Variants in ZNF506 observed in about 807,000 individuals in gnomAD.
ZNF506 encodes zinc finger protein 506.
ZNF506 carries 10 observed loss-of-function variants against 11.6 expected under a neutral mutation model. The observed-to-expected ratio is 0.86, with a 90% CI of 0.53 to 1.46. ZNF506 has a LOEUF of 1.46. Ranked by LOEUF, ZNF506 falls within the 40% of genes most tolerant of loss-of-function variation. ZNF506 has a pLI of 0.00. For missense variants in ZNF506, 425 were observed against 521.2 expected, an observed-to-expected ratio of 0.82 and a Z score of 1.80; for synonymous variants, 156 against 173.3, an observed-to-expected ratio of 0.90 and a Z score of 0.78.
At chr19:19,795,917 G>GA in intron 3 of ZNF506, 2 of 423,958 alleles carry the variant, frequency 4.7e-6, no homozygotes, top group Admixed American at 3.1e-5. Flanking sequence ...TAGAAAAATA[G>GA]AAAAAAAGAA....
Position 19,795,146 on chromosome 19 carries a change from A to G in ZNF506, c.741T>C (p.His247=). Reference sequence around the variant, plus strand: ...GTTTCTCTCCAGTATGAATTATCTTATGTGTAGTAAGGTTACAGGACTGCT... The same window carrying G: ...GTTTCTCTCCAGTATGAATTATCTTGTGTGTAGTAAGGTTACAGGACTGCT... ...AYKQSCNLTT[H]KIIHTGEKPY... The change falls in exon 4 of 4, where the codon CAT becomes CAC. Residue 247 remains histidine, a synonymous_variant. Transcript: ENST00000540806. 2.5e-6 allele frequency: 4 copies of G among 1,613,690 alleles called. No homozygotes were observed. The highest frequency in any genetic ancestry group is 3.4e-6 in the Non-Finnish European group (4 of 1,179,892).
At chr19:19,807,863 A>G (rs900482257) in intron 1 of ZNF506, among the ~76,000 whole-genome samples, 1 of 152,074 alleles carries the variant, frequency 6.6e-6, no homozygotes, top group African/African-American at 2.4e-5. Context: ...TGGCCCCAAA[A>G]GGATATTTTT....
chr19:19,808,161 T>C (rs2062851353), intron 1 of ZNF506, among the ~76,000 whole-genome samples: 1 of 115,544 alleles, frequency 8.7e-6, no homozygotes, highest in East Asian at 2.9e-4. Flanking sequence ...TCTCGCTAGG[T>C]CGCCCAGGCC....
chr19:19,817,298 T>C (rs185665041), intron 1 of ZNF506, among the ~76,000 whole-genome samples: 4 of 152,302 alleles, frequency 2.6e-5, no homozygotes, highest in South Asian at 2.1e-4. Flanking sequence ...CCCACCTCCT[T>C]TCTAATCTTG....
intron 1 of ZNF506, among the ~76,000 whole-genome samples, chr19:19,810,411 A>G (rs1386664165): frequency 2.6e-5 from 4 of 152,238 alleles, no homozygotes; most frequent in African/African-American, 9.6e-5. Flanking sequence ...TTAAGCAGGT[A>G]CTATGTGCTC....
rs1339270301 is a variant in ZNF506, at chr19:19,821,635, G to A, written c.-32C>T. 3.1e-6 allele frequency: 5 copies of A among 1,613,768 alleles called. No homozygotes were observed. Among genetic ancestry groups the A allele is most frequent in the African/African-American group, 1.3e-5 (1 of 74,940 alleles). ...GCTTCCAGGGGGTCCCGGCGTCCTAGCTGTGACCCTCCTAATACCTGCAGG... is the reference window on the plus strand; with the variant it reads ...GCTTCCAGGGGGTCCCGGCGTCCTAACTGTGACCCTCCTAATACCTGCAGG... On this transcript the variant is annotated 5_prime_UTR_variant, in exon 1 of 4. Coordinates refer to ENST00000540806, the MANE Select transcript of ZNF506 (RefSeq NM_001099269.3).
intron 3 of ZNF506, among the ~76,000 whole-genome samples, chr19:19,802,541 T>C (rs1340646444): frequency 6.6e-6 from 1 of 152,286 alleles, no homozygotes; most frequent in South Asian, 2.1e-4. Flanking sequence ...AAAACAAGTA[T>C]TAGGAAATAA....
chr19:19,816,544 G>A (rs942883442), intron 1 of ZNF506, among the ~76,000 whole-genome samples: 1 of 152,086 alleles, frequency 6.6e-6, no homozygotes, highest in Non-Finnish European at 1.5e-5. Flanking sequence ...ATTTGTAGTA[G>A]AGACAGGGTT....
intron 1 of ZNF506, among the ~76,000 whole-genome samples, chr19:19,818,610 A>C (rs1354160267): frequency 6.6e-6 from 1 of 152,230 alleles, no homozygotes; most frequent in Non-Finnish European, 1.5e-5. Flanking sequence ...AACAAATAGA[A>C]TGATTAGAAA....
At chr19:19,815,141 T>C (rs746178543) in intron 1 of ZNF506, among the ~76,000 whole-genome samples, 54 of 152,004 alleles carry the variant, frequency 3.6e-4, no homozygotes, top group Non-Finnish European at 6.8e-4. Context: ...GCACCTGTAG[T>C]CCCAGCTACT....
intron 3 of ZNF506, among the ~76,000 whole-genome samples, chr19:19,800,165 G>A (rs1278349615): frequency 6.6e-6 from 1 of 151,706 alleles, no homozygotes; most frequent in Admixed American, 6.6e-5. Flanking sequence ...GATAAATATT[G>A]ATGACATTAT....
rs1422019963 is a variant in ZNF506 at position 19,802,780 on chromosome 19, T to C, written c.226+3251A>G. Among the ~76,000 whole-genome samples, 11 of 152,174 alleles carry C rather than the reference T, an allele frequency of 7.2e-5. No homozygotes were observed. In the East Asian group the frequency reaches 7.7e-4, roughly 11 times the overall value. Reference sequence around the variant, plus strand: ...ATAGAAAACAGAAAGTAAAAATGTATAGGGAGAGTGACCTCACTAAGATGA... The same window carrying C: ...ATAGAAAACAGAAAGTAAAAATGTACAGGGAGAGTGACCTCACTAAGATGA... On this transcript the variant is annotated intron_variant, in intron 3 of 3. Coordinates refer to ENST00000540806, the MANE Select transcript of ZNF506 (RefSeq NM_001099269.3).
At chr19:19,820,072 G>C (rs2062957537) in intron 1 of ZNF506, among the ~76,000 whole-genome samples, 1 of 151,686 alleles carries the variant, frequency 6.6e-6, no homozygotes, top group South Asian at 2.1e-4. Context: ...ACTCCAGCAT[G>C]GCGACAGAGT....
At chr19:19,796,790 A>G (rs2145172385) in intron 3 of ZNF506, 1 of 152,308 alleles carries the variant, frequency 6.6e-6, no homozygotes, top group Non-Finnish European at 1.5e-5. Context: ...TCTAAAGGTA[A>G]ATGTTTCAGA....
rs887626205 is a variant in ZNF506 at position 19,814,057 on chromosome 19, A to C, written c.4-6989T>G. ...ATGGAGTACTCTGTGGCCACTAAAAAAAAAGATCATGTCCTTTGCAATAAC... is the reference window on the plus strand; with the variant it reads ...ATGGAGTACTCTGTGGCCACTAAAACAAAAGATCATGTCCTTTGCAATAAC... On this transcript the variant is annotated intron_variant, in intron 1 of 3. Transcript: ENST00000540806. Among the ~76,000 whole-genome samples, 10 of 152,318 alleles carry C rather than the reference A, an allele frequency of 6.6e-5. No homozygotes were observed. In the South Asian group the frequency reaches 1.5e-3, roughly 22 times the overall value.
intron 3 of ZNF506, among the ~76,000 whole-genome samples, chr19:19,800,391 A>AATATATATATATATATTTTTATAT (rs1460340025): frequency 1.5e-4 from 21 of 139,238 alleles, no homozygotes; most frequent in East Asian, 2.4e-4. Flanking sequence ...AACTAAACAG[A>AATATATATATATATATTTTTATAT]ATATATATAT....
chr19:19,808,147 G>A (rs867644069), intron 1 of ZNF506, among the ~76,000 whole-genome samples: 2 of 57,230 alleles, frequency 3.5e-5, no homozygotes, highest in Non-Finnish European at 5.9e-5. Flanking sequence ...TTTTTGAGAC[G>A]GAGTCTCGCT....
rs190957915 is a variant in ZNF506 at position 19,819,310 on chromosome 19, G to T, written c.3+2291C>A. On this transcript the variant is annotated intron_variant, in intron 1 of 3. Coordinates refer to ENST00000540806, the MANE Select transcript of ZNF506 (RefSeq NM_001099269.3). Reference sequence around the variant, plus strand: ...AGCATCTGATTGTCTGACCAGCAATGTGTCTCCAAGAAATGGAAGCTAGGT... The same window carrying T: ...AGCATCTGATTGTCTGACCAGCAATTTGTCTCCAAGAAATGGAAGCTAGGT... Among the ~76,000 whole-genome samples, 844 of 151,734 alleles carry T rather than the reference G, an allele frequency of 5.6e-3. 8 individuals carry two copies. Among genetic ancestry groups the T allele is most frequent in the African/African-American group, 0.018 (761 of 41,318 alleles).
At chr19:19,816,941 A>G (rs923720427) in intron 1 of ZNF506, among the ~76,000 whole-genome samples, 1 of 149,314 alleles carries the variant, frequency 6.7e-6, no homozygotes, top group Non-Finnish European at 1.5e-5. Flanking sequence ...TAAGCCTGCA[A>G]CAGGCAGCAC....
Sources: allele counts gnomAD v4.1 joint callset (sites outside exome capture counted in the v4.1 genomes callset), GRCh38; gene constraint gnomAD v4.1.1; transcripts MANE v1.5; gene names NCBI Gene and HGNC (gene_info 2026-07-23, HGNC 2026-07-21).